CHRM2: variants seen among roughly 807,000 people sequenced by gnomAD.
CHRM2 encodes the protein cholinergic receptor muscarinic 2.
CHRM2 carries 8 observed loss-of-function variants against 25.0 expected under a neutral mutation model. The observed-to-expected ratio is 0.32, with a 90% CI of 0.19 to 0.58. The LOEUF (loss-of-function observed/expected upper bound fraction) is 0.58. Ranked by LOEUF, CHRM2 falls within the 20% of genes least tolerant of loss-of-function variation. The pLI is 0.88. For synonymous variants in CHRM2, 202 were observed against 205.7 expected, an observed-to-expected ratio of 0.98 and a Z score of 0.15; for missense variants, 440 against 567.1, an observed-to-expected ratio of 0.78 and a Z score of 2.28.
intron 2 of CHRM2, among the ~76,000 whole-genome samples, chr7:136,913,570 T>C (rs1797956540): frequency 6.6e-6 from 1 of 152,044 alleles, no homozygotes; most frequent in East Asian, 1.9e-4. Context: ...TAATAACCAA[T>C]ACCTAATCAC....
intron 2 of CHRM2, among the ~76,000 whole-genome samples, chr7:136,874,250 TATA>T (rs1472133447): frequency 2.6e-5 from 4 of 152,376 alleles, no homozygotes; most frequent in South Asian, 2.1e-4. Context: ...CTTTGAAAAG[TATA>T]ATGTTACTTT....
chr7:136,877,619 G>A (rs1182732503), intron 2 of CHRM2, among the ~76,000 whole-genome samples: 1 of 152,034 alleles, frequency 6.6e-6, no homozygotes, highest in East Asian at 1.9e-4. Flanking sequence ...GAGAAAGTGA[G>A]AGAATTGTCT....
chr7:136,934,560 C>T (rs1758417342), intron 2 of CHRM2, among the ~76,000 whole-genome samples: 1 of 152,074 alleles, frequency 6.6e-6, no homozygotes, highest in African/African-American at 2.4e-5. Context: ...CCCTCTTGGA[C>T]ATTTTGCTAG....
At chr7:136,981,875 G>T (rs924964982) in intron 2 of CHRM2, among the ~76,000 whole-genome samples, 1 of 152,100 alleles carries the variant, frequency 6.6e-6, no homozygotes, top group African/African-American at 2.4e-5. Flanking sequence ...CAGTTATGTG[G>T]TCAATTTCAG....
chr7:136,989,116 A>G (rs1803047731), intron 2 of CHRM2, among the ~76,000 whole-genome samples: 1 of 152,100 alleles, frequency 6.6e-6, no homozygotes, highest in African/African-American at 2.4e-5. Flanking sequence ...TCTGTTCCTT[A>G]TTAGTCTGAT....
intron 2 of CHRM2, among the ~76,000 whole-genome samples, chr7:136,961,419 G>A (rs373253090): frequency 2.0e-5 from 3 of 152,244 alleles, no homozygotes; most frequent in East Asian, 3.9e-4. Context: ...CATAAGTTGA[G>A]GAGCCTCTGT....
intron 2 of CHRM2, among the ~76,000 whole-genome samples, chr7:136,943,771 TG>T (rs1399574580): frequency 5.9e-5 from 9 of 151,898 alleles, no homozygotes; most frequent in African/African-American, 2.2e-4. Flanking sequence ...GAGATTGAGA[TG>T]GTCCATAGCT....
intron 3 of CHRM2, among the ~76,000 whole-genome samples, chr7:137,000,517 T>TA (rs200639449): frequency 0.022 from 2,005 of 90,444 alleles, 57 homozygotes; most frequent in African/African-American, 0.072. Context: ...ATATTATTAT[T>TA]AAAAAAAAAG....
At chr7:136,996,304 A>G (rs886462066) in intron 3 of CHRM2, among the ~76,000 whole-genome samples, 2 of 152,094 alleles carry the variant, frequency 1.3e-5, no homozygotes, top group Non-Finnish European at 2.9e-5. Flanking sequence ...TAACACATGT[A>G]AAAACATCTA....
chr7:136,988,451 G>A (rs1237491625), intron 2 of CHRM2, among the ~76,000 whole-genome samples: 1 of 152,012 alleles, frequency 6.6e-6, no homozygotes, highest in Admixed American at 6.6e-5. Flanking sequence ...TATGTTATGT[G>A]CTCTACATAT....
At chr7:136,971,900 T>G (rs2130933607) in intron 2 of CHRM2, among the ~76,000 whole-genome samples, 1 of 152,308 alleles carries the variant, frequency 6.6e-6, no homozygotes, top group South Asian at 2.1e-4. Flanking sequence ...ATCTGTATTT[T>G]TGGTGCTAAT....
chr7:136,940,468 G>A (rs1799702448), intron 2 of CHRM2, among the ~76,000 whole-genome samples: 2 of 152,174 alleles, frequency 1.3e-5, no homozygotes, highest in South Asian at 4.1e-4. Context: ...TTATGTCTTT[G>A]ACTGTAGAAT....
chr7:136,955,325 C>T (rs1346173986), intron 2 of CHRM2, among the ~76,000 whole-genome samples: 2 of 152,090 alleles, frequency 1.3e-5, no homozygotes, highest in Non-Finnish European at 2.9e-5. Context: ...GTGAAAATGG[C>T]ACCTTTAGTA....
At chr7:136,950,685 T>C (rs1305292194) in intron 2 of CHRM2, among the ~76,000 whole-genome samples, 1 of 152,128 alleles carries the variant, frequency 6.6e-6, no homozygotes, top group Non-Finnish European at 1.5e-5. Context: ...TAAAAACAGA[T>C]GAAGAAGTTG....
At chr7:137,001,210 C>G (rs1190050697) in intron 3 of CHRM2, among the ~76,000 whole-genome samples, 2 of 152,136 alleles carry the variant, frequency 1.3e-5, no homozygotes, top group Admixed American at 1.3e-4. Context: ...ACTTCCTCCT[C>G]CCCCCTCAGA....
chr7:136,911,520 C>T (rs562461590), intron 2 of CHRM2, among the ~76,000 whole-genome samples: 4 of 151,998 alleles, frequency 2.6e-5, no homozygotes, highest in South Asian at 2.1e-4. Flanking sequence ...CCAGCATGCT[C>T]GGCTGACTAA....
At chr7:136,989,360 G>T (rs1400882441) in intron 2 of CHRM2, among the ~76,000 whole-genome samples, 3 of 152,116 alleles carry the variant, frequency 2.0e-5, no homozygotes, top group Admixed American at 1.3e-4. Context: ...AAGTCACACA[G>T]TGATTAATGA....
chr7:136,912,418 A>G (rs764272841), intron 2 of CHRM2, among the ~76,000 whole-genome samples: 1 of 151,918 alleles, frequency 6.6e-6, no homozygotes, highest in Non-Finnish European at 1.5e-5. Context: ...GAACAAAAAT[A>G]TTTCTTTGAG....
intron 2 of CHRM2, among the ~76,000 whole-genome samples, chr7:136,911,819 C>T (rs374007985): frequency 2.0e-5 from 3 of 151,852 alleles, no homozygotes; most frequent in East Asian, 1.9e-4. Context: ...ATGTGGATTA[C>T]GACAAGGCTT....
Sources: allele counts gnomAD v4.1 joint callset (sites outside exome capture counted in the v4.1 genomes callset), GRCh38; gene constraint gnomAD v4.1.1; transcripts MANE v1.5; gene names NCBI Gene and HGNC (gene_info 2026-07-23, HGNC 2026-07-21).